NCEH1: variants seen among roughly 807,000 people sequenced by gnomAD.
The protein encoded by NCEH1 is 2-acetyl MAGE hydrolase.
NCEH1 carries 9 observed loss-of-function variants against 25.4 expected under a neutral mutation model. That is an observed-to-expected ratio of 0.35 (90% CI 0.21 to 0.62). The LOEUF (loss-of-function observed/expected upper bound fraction) is 0.62, where lower values mean the gene tolerates loss of function less well. NCEH1 is among the 20% of genes least tolerant of loss of function. NCEH1 has a pLI of 0.72. For missense variants in NCEH1, 412 were observed against 501.1 expected, an observed-to-expected ratio of 0.82 and a Z score of 1.70; for synonymous variants, 200 against 199.8, an observed-to-expected ratio of 1.00 and a Z score of -0.01.
At chr3:172,660,218 A>G (rs959353562) in intron 1 of NCEH1, among the ~76,000 whole-genome samples, 3 of 150,104 alleles carry the variant, frequency 2.0e-5, no homozygotes, top group Non-Finnish European at 4.4e-5. Context: ...GAGTGAGAAC[A>G]TGCAGTGTTT....
chr3:172,661,874 T>G (rs1717989788), intron 1 of NCEH1, among the ~76,000 whole-genome samples: 1 of 152,204 alleles, frequency 6.6e-6, no homozygotes, highest in Non-Finnish European at 1.5e-5. Flanking sequence ...GATTTTGGGC[T>G]GAGATGATGG....
intron 1 of NCEH1, among the ~76,000 whole-genome samples, chr3:172,676,921 T>C (rs1712041629): frequency 6.6e-6 from 1 of 152,146 alleles, no homozygotes; most frequent in African/African-American, 2.4e-5. Flanking sequence ...GTGAGCTCCT[T>C]GGGAAAAAGT....
chr3:172,652,656 T>A (rs1717455517), intron 1 of NCEH1, among the ~76,000 whole-genome samples: 1 of 152,160 alleles, frequency 6.6e-6, no homozygotes, highest in Admixed American at 6.5e-5. Context: ...AGATTCAGAG[T>A]CACACAAGTA....
At chr3:172,635,718 T>C (rs234014) in intron 4 of NCEH1, among the ~76,000 whole-genome samples, 198 bp downstream of exon 4, 57,905 of 151,934 alleles carry the variant, frequency 0.38, 11,012 homozygotes, top group Non-Finnish European at 0.4. Flanking sequence ...TCATAGGTGA[T>C]ACTTCCTCCA....
intron 1 of NCEH1, among the ~76,000 whole-genome samples, chr3:172,685,277 A>C (rs1400529094): frequency 6.6e-6 from 1 of 152,052 alleles, no homozygotes; most frequent in Admixed American, 6.5e-5. Context: ...ACAGAGTGAG[A>C]CTCTATCTCA....
intron 1 of NCEH1, among the ~76,000 whole-genome samples, chr3:172,694,378 A>ATATATGTG (rs1553839159): frequency 1.3e-5 from 2 of 151,350 alleles, no homozygotes; most frequent in Non-Finnish European, 2.9e-5. Context: ...AGTTATATAT[A>ATATATGTG]TGTGTGTGTG....
In NCEH1 at chr3:172,683,651, C is replaced by T. The variant is rs577191136; in HGVS notation, c.138+27196G>A. Among the ~76,000 whole-genome samples the T allele has an allele frequency of 2.1e-4, 32 of 152,282 alleles. No individual in the cohort carries two copies. The South Asian group carries it at 4.6e-3, about 22-fold the overall frequency. On this transcript the variant is annotated intron_variant, in intron 1 of 4. Transcript: ENST00000475381. ...CGTAATCACGCCACCGCCCTCCAGGCTGAGTGACAGGGCGAGACCCTGTCT... is the reference window on the plus strand; with the variant it reads ...CGTAATCACGCCACCGCCCTCCAGGTTGAGTGACAGGGCGAGACCCTGTCT...
Position 172,671,528 on chromosome 3 carries a change from C to CACAT in NCEH1, c.139-23415_139-23414insATGT, listed in dbSNP as rs145129202. On this transcript the variant is annotated intron_variant, in intron 1 of 4. Transcript: ENST00000475381. The stretch of plus-strand genomic sequence containing the variant: ...ACATACACACACACACACACACACA[C>CACAT]ATATATAGATATATATACAAATATA... Among the ~76,000 whole-genome samples the CACAT allele has an allele frequency of 3.5e-3, 479 of 137,132 alleles. 2 individuals carry two copies. Among genetic ancestry groups the CACAT allele is most frequent in the African/African-American group, 0.011 (388 of 36,688 alleles). The allele number at this position is 137,132 out of a possible 152,430, so 90.0% of individuals were successfully genotyped here. A position where few individuals can be genotyped will look rare whatever the true frequency, so the allele number is the denominator to read the frequency against.
At chr3:172,650,931 G>A (rs1318210755) in intron 1 of NCEH1, among the ~76,000 whole-genome samples, 1 of 151,800 alleles carries the variant, frequency 6.6e-6, no homozygotes, top group East Asian at 1.9e-4. Flanking sequence ...AAGAAAAACT[G>A]TGCTAATGTT....
At chr3:172,708,169 CAT>C (rs898483190) in intron 1 of NCEH1, among the ~76,000 whole-genome samples, 3 of 152,166 alleles carry the variant, frequency 2.0e-5, no homozygotes, top group African/African-American at 7.2e-5. Flanking sequence ...AATGCTAAAG[CAT>C]AAAGTATTTG....
At chr3:172,673,030 T>C (rs1413071151) in intron 1 of NCEH1, among the ~76,000 whole-genome samples, 2 of 152,136 alleles carry the variant, frequency 1.3e-5, no homozygotes, top group African/African-American at 4.8e-5. Context: ...GAGCCCCAGG[T>C]GATACTGGAC....
chr3:172,634,198 ATAAG>A (rs1716505520), intron 4 of NCEH1, 106 bp from the exon 5 acceptor site: 1 of 1,096,930 alleles, frequency 9.1e-7, no homozygotes, highest in Admixed American at 2.4e-5. Flanking sequence ...TGTCAATGGT[ATAAG>A]TGTTACATTT....
chr3:172,674,326 C>G (rs912344640), intron 1 of NCEH1, among the ~76,000 whole-genome samples: 1 of 151,838 alleles, frequency 6.6e-6, no homozygotes, highest in Admixed American at 6.6e-5. Flanking sequence ...TGCCGTAATC[C>G]CAGCTACTCA....
Position 172,636,003 on chromosome 3 carries a change from G to C in NCEH1, c.522C>G (p.Val174=). 6.2e-7 allele frequency: 1 copy of C among 1,614,132 alleles called. No homozygotes were observed. The highest frequency in any genetic ancestry group is 8.5e-7 in the Non-Finnish European group (1 of 1,179,990). The change falls in exon 4 of 5, where the codon GTC becomes GTG. Residue 174 remains valine, a synonymous_variant. Coordinates refer to ENST00000475381, the MANE Select transcript of NCEH1 (RefSeq NM_020792.6). ...CTGGATCAACCATATACTTCTGTAA[G>C]ACTTCTGGCTTCAGGAAATACTTTG... ...RATKYFLKPE[V]LQKYMVDPGR...
intron 1 of NCEH1, among the ~76,000 whole-genome samples, chr3:172,685,389 T>A (rs905074680): frequency 1.3e-5 from 2 of 152,190 alleles, no homozygotes; most frequent in African/African-American, 4.8e-5. Flanking sequence ...TCTTCATACA[T>A]CTTTCTTCAA....
chr3:172,643,115 T>G (rs1716940087), intron 3 of NCEH1, among the ~76,000 whole-genome samples: 1 of 152,008 alleles, frequency 6.6e-6, no homozygotes, highest in Non-Finnish European at 1.5e-5. Context: ...ATTTTGTATT[T>G]TTAGTAGAGA....
intron 1 of NCEH1, among the ~76,000 whole-genome samples, chr3:172,696,023 G>T (rs1713349387): frequency 6.6e-6 from 1 of 152,082 alleles, no homozygotes; most frequent in South Asian, 2.1e-4. Flanking sequence ...CATATATCCA[G>T]TTAGAACATC....
At position 172,664,339 on chromosome 3, in the gene NCEH1, G is replaced by A. The variant is rs115468158; in HGVS notation, c.139-16225C>T. ...TCTGCAGAGAGATCCACTATTGGTC[G>A]GATGGGCTTCCCTTTGTACGTAACC... On this transcript the variant is annotated intron_variant, in intron 1 of 4. Coordinates refer to ENST00000475381, the MANE Select transcript of NCEH1 (RefSeq NM_020792.6). 2.4e-3 allele frequency among the ~76,000 whole-genome samples: 369 copies of A among 152,250 alleles called. 2 individuals carry two copies. Among genetic ancestry groups the A allele is most frequent in the African/African-American group, 8.3e-3 (346 of 41,534 alleles).
At chr3:172,658,136 C>T (rs921851320) in intron 1 of NCEH1, among the ~76,000 whole-genome samples, 1 of 152,170 alleles carries the variant, frequency 6.6e-6, no homozygotes, top group Non-Finnish European at 1.5e-5. Context: ...TAAAACCCAT[C>T]AAAACCAAGA....
Sources: allele counts gnomAD v4.1 joint callset (sites outside exome capture counted in the v4.1 genomes callset), GRCh38; gene constraint gnomAD v4.1.1; transcripts MANE v1.5; gene names NCBI Gene and HGNC (gene_info 2026-07-23, HGNC 2026-07-21).